EHMT1: variants seen among roughly 807,000 people sequenced by gnomAD.
The protein encoded by EHMT1 is histone-lysine N-methyltransferase EHMT1.
A neutral mutation model predicts 147.2 loss-of-function variants in EHMT1; 15 were observed. The observed-to-expected ratio is 0.10, with a 90% CI of 0.07 to 0.16. The LOEUF is 0.16. Ranked by LOEUF, EHMT1 falls within the 10% of genes least tolerant of loss-of-function variation. The probability of loss-of-function intolerance (pLI) is 1.00; values close to 1 mark genes in which losing one functional copy is unlikely to be tolerated. For synonymous variants in EHMT1, 795 were observed against 709.6 expected, an observed-to-expected ratio of 1.12 and a Z score of -1.91; for missense variants, 1,587 against 1,772.4, an observed-to-expected ratio of 0.90 and a Z score of 1.88.
chr9:137,670,324 C>G (rs1453904893), intron 1 of EHMT1, among the ~76,000 whole-genome samples: 2 of 152,130 alleles, frequency 1.3e-5, no homozygotes, highest in African/African-American at 4.8e-5. Context: ...ACCCCCAGGG[C>G]AACAAAACCA....
intron 1 of EHMT1, among the ~76,000 whole-genome samples, chr9:137,650,267 T>C (rs950629492): frequency 3.9e-5 from 6 of 152,156 alleles, no homozygotes; most frequent in African/African-American, 1.2e-4. Context: ...TGCCAGCTAA[T>C]TTAAACATTT....
chr9:137,739,310 C>T lies in EHMT1; in HGVS notation c.824-4061C>T, dbSNP rs184802041. ...GGCGGAGCTTGCAGTGAGCGGAGAT[C>T]GCACCAATGCACTCCAGCCTGGGCA... On this transcript the variant is annotated intron_variant, in intron 4 of 26. Coordinates refer to ENST00000460843, the MANE Select transcript of EHMT1 (RefSeq NM_024757.5). Among the ~76,000 whole-genome samples the T allele has an allele frequency of 3.5e-4, 53 of 150,206 alleles. No homozygotes were observed. The East Asian group carries it at 6.4e-3, about 18-fold the overall frequency.
chr9:137,659,872 G>T (rs1938892498), intron 1 of EHMT1, among the ~76,000 whole-genome samples: 1 of 152,028 alleles, frequency 6.6e-6, no homozygotes, highest in South Asian at 2.1e-4. Flanking sequence ...CACTGCGCTT[G>T]GCCCCCTTTT....
Position 137,775,134 on chromosome 9 carries a change from T to G in EHMT1, c.1673T>G (p.Val558Gly). 1 of 1,614,028 alleles carries G rather than the reference T, an allele frequency of 6.2e-7. No individual in the cohort carries two copies. Among genetic ancestry groups the G allele is most frequent in the Non-Finnish European group, 8.5e-7 (1 of 1,180,002 alleles). Residue 558 changes from valine (V) to glycine (G), a missense_variant, in exon 11 of 27, where the codon GTC (valine) becomes GGC (glycine). By Grantham distance (109) the Val-to-Gly change is moderately radical. Transcript: ENST00000460843. This position sits in a 1 kb window ranked among gnomAD's most constrained non-coding sequence, Gnocchi z 6.1. ...TTGGGCCGGTGCACAAACAGCGTGG[T>G]CAAGTATGAGCTGATGCGCCCCTCC... Reference protein sequence around the residue: ...HELGRCTNSVVKYELMRPSNK... With the variant: ...HELGRCTNSVGKYELMRPSNK...
chr9:137,711,360 G>A (rs185735554), intron 2 of EHMT1, among the ~76,000 whole-genome samples: 33 of 152,262 alleles, frequency 2.2e-4, no homozygotes, highest in Non-Finnish European at 2.9e-4. Context: ...GAGACACTCC[G>A]GTGTCCTCAG....
chr9:137,661,574 C>T (rs1238416904), intron 1 of EHMT1, among the ~76,000 whole-genome samples: 18 of 151,666 alleles, frequency 1.2e-4, no homozygotes, highest in South Asian at 4.2e-4. Flanking sequence ...CAACCTCCAC[C>T]GCCTGAGTTC....
At chr9:137,821,486 C>G (rs1955420677) in intron 25 of EHMT1, among the ~76,000 whole-genome samples, 1 of 151,920 alleles carries the variant, frequency 6.6e-6, no homozygotes, top group Admixed American at 6.6e-5. Context: ...CACTACAATG[C>G]CCGGCTAATT....
At chr9:137,806,600 A>T (rs7047246) in intron 18 of EHMT1, among the ~76,000 whole-genome samples, 7 of 151,542 alleles carry the variant, frequency 4.6e-5, no homozygotes, top group African/African-American at 1.7e-4. Flanking sequence ...CACGCCCGGG[A>T]AATTTTTGTG....
At chr9:137,822,842 A>G (rs567225187) in intron 25 of EHMT1, among the ~76,000 whole-genome samples, 92 of 151,804 alleles carry the variant, frequency 6.1e-4, no homozygotes, top group African/African-American at 1.9e-3. Flanking sequence ...GCAGTGAGCC[A>G]AGATCATGCC....
intron 1 of EHMT1, among the ~76,000 whole-genome samples, chr9:137,687,402 G>C (rs1942550300): frequency 6.6e-6 from 1 of 152,180 alleles, no homozygotes; most frequent in Non-Finnish European, 1.5e-5. Flanking sequence ...CATTGGGTCA[G>C]TTTAGGTAGA....
At chr9:137,812,462 G>A (rs746875677) in intron 19 of EHMT1, among the ~76,000 whole-genome samples, 2 of 152,262 alleles carry the variant, frequency 1.3e-5, no homozygotes, top group Non-Finnish European at 2.9e-5. Flanking sequence ...ACAGGGAACT[G>A]TGGGTGCTCC....
chr9:137,725,966 C>G (rs1330171615), intron 3 of EHMT1, among the ~76,000 whole-genome samples: 1 of 152,170 alleles, frequency 6.6e-6, no homozygotes, highest in Non-Finnish European at 1.5e-5. Flanking sequence ...TCCTGAATCC[C>G]TCAGAGCTGT....
At chr9:137,619,186 C>T (rs1842789807) in intron 1 of EHMT1, 137 bp downstream of exon 1, 4 of 146,308 alleles carry the variant, frequency 2.7e-5, no homozygotes, top group Admixed American at 6.9e-5. Context: ...GCCGCCGCCG[C>T]CGCCGCTGCC....
At chr9:137,725,160 G>A (rs943657255) in intron 3 of EHMT1, among the ~76,000 whole-genome samples, 1 of 151,296 alleles carries the variant, frequency 6.6e-6, no homozygotes, top group Non-Finnish European at 1.5e-5. Flanking sequence ...GCAGGCGTGT[G>A]GCATTCGTGT....
At chr9:137,802,757 C>G (rs1953605455) in intron 18 of EHMT1, 1 of 1,198,454 alleles carries the variant, frequency 8.3e-7, no homozygotes, top group Non-Finnish European at 1.0e-6. Flanking sequence ...GTGACTGGTC[C>G]TGAGCTGCAG....
chr9:137,733,484 A>T (rs1051160817), intron 4 of EHMT1, among the ~76,000 whole-genome samples: 1 of 152,220 alleles, frequency 6.6e-6, no homozygotes, highest in Non-Finnish European at 1.5e-5. Context: ...GGAACTCTGG[A>T]GTCTACTGAA....
At chr9:137,692,715 A>G (rs879594934) in intron 1 of EHMT1, among the ~76,000 whole-genome samples, 1 of 152,112 alleles carries the variant, frequency 6.6e-6, no homozygotes, top group African/African-American at 2.4e-5. Context: ...AGCACGTTGC[A>G]TGGTGTGTGT....
At chr9:137,680,890 G>T (rs529689130) in intron 1 of EHMT1, 1 of 152,350 alleles carries the variant, frequency 6.6e-6, no homozygotes, top group South Asian at 2.1e-4. Flanking sequence ...AGCAGATGCC[G>T]GGGCTCGTGG....
chr9:137,644,954 T>C (rs1312027337), intron 1 of EHMT1, among the ~76,000 whole-genome samples: 3 of 151,932 alleles, frequency 2.0e-5, no homozygotes, highest in African/African-American at 7.3e-5. Context: ...CTCACTGCAG[T>C]CTCCACCTCC....
Sources: gnomAD v4.1 joint callset for allele counts (sites outside exome capture counted in the v4.1 genomes callset) on GRCh38, gnomAD v4.1.1 for gene constraint, Gnocchi (gnomAD v3.1) non-coding constraint, MANE v1.5 for transcripts, NCBI Gene and HGNC (gene_info 2026-07-23, HGNC 2026-07-21) for gene names.